Variants in RAB11FIP2 observed in about 807,000 individuals in gnomAD.
RAB11FIP2 encodes RAB11 family interacting protein 2.
Under a neutral mutation model 40.9 loss-of-function variants are expected in RAB11FIP2, and 16 were observed. The ratio of observed to expected loss-of-function variants is 0.39; its 90% CI spans 0.26 to 0.59. The LOEUF is 0.59. Ranked by LOEUF, RAB11FIP2 falls within the 20% of genes least tolerant of loss-of-function variation. RAB11FIP2 has a pLI of 0.53. For missense variants in RAB11FIP2, 532 were observed against 606.2 expected, an observed-to-expected ratio of 0.88 and a Z score of 1.28; for synonymous variants, 228 against 213.7, an observed-to-expected ratio of 1.07 and a Z score of -0.58.
At chr10:118,010,654 T>C (rs896561129) in intron 4 of RAB11FIP2, among the ~76,000 whole-genome samples, 1 of 152,092 alleles carries the variant, frequency 6.6e-6, no homozygotes, top group Non-Finnish European at 1.5e-5. Context: ...GCACACCCAC[T>C]TCTCCAGGAT....
intron 3 of RAB11FIP2, among the ~76,000 whole-genome samples, chr10:118,027,149 T>C (rs1447069947): frequency 6.6e-6 from 1 of 152,216 alleles, no homozygotes; most frequent in African/African-American, 2.4e-5. Flanking sequence ...CCCTCAGCAC[T>C]TTTTGTACAA....
intron 3 of RAB11FIP2, among the ~76,000 whole-genome samples, chr10:118,020,587 T>C (rs1480317538): frequency 6.6e-6 from 1 of 152,038 alleles, no homozygotes; most frequent in Non-Finnish European, 1.5e-5. Flanking sequence ...TTTACTCCCC[T>C]TCCCCCAGCC....
rs551747361 is a variant in RAB11FIP2, at chr10:118,024,418, CCT to C, written c.1266-9310_1266-9309del. Among the ~76,000 whole-genome samples, 137 of 151,532 alleles carry C rather than the reference CCT, an allele frequency of 9.0e-4. 1 individual carries two copies. Among genetic ancestry groups the C allele is most frequent in the African/African-American group, 3.0e-3 (125 of 41,254 alleles). The stretch of plus-strand genomic sequence containing the variant: ...AGCTGTGTTGCGTTTGGTCTGTTCC[CCT>C]GAGTAGACCCTTGCCCGCCACCTTC... On this transcript the variant is annotated intron_variant, in intron 3 of 4. Coordinates refer to ENST00000355624, the MANE Select transcript of RAB11FIP2 (RefSeq NM_014904.3).
intron 3 of RAB11FIP2, among the ~76,000 whole-genome samples, chr10:118,025,539 G>A (rs989748002): frequency 6.6e-6 from 1 of 152,158 alleles, no homozygotes; most frequent in Non-Finnish European, 1.5e-5. Flanking sequence ...GCATTATTAC[G>A]TATATAACAG....
Position 118,040,183 on chromosome 10 carries a change from T to C in RAB11FIP2, c.736A>G (p.Ile246Val), listed in dbSNP as rs756360204. The C allele has an allele frequency of 6.2e-6, 10 of 1,613,850 alleles. No individual in the cohort carries two copies. The highest frequency in any genetic ancestry group is 5.0e-5 in the Admixed American group (3 of 60,002). The part of the protein sequence containing the change: ...MSSEKLKAGT[I>V]GQTHLLGHQL... ...TGTCCGAGAAGATGTGTTTGACCTA[T>C]GGTGCCAGCCTTCAGTTTCTCAGAA... is the stretch of plus-strand genomic sequence containing the variant. The change falls in exon 2 of 5, where the codon ATA becomes GTA. Residue 246 changes from isoleucine (I) to valine (V), a missense_variant. Physicochemically the swap from Ile to Val is conservative, Grantham distance 29. Transcript: ENST00000355624.
At chr10:118,015,769 T>C (rs1846211877) in intron 3 of RAB11FIP2, among the ~76,000 whole-genome samples, 1 of 152,210 alleles carries the variant, frequency 6.6e-6, no homozygotes, top group South Asian at 2.1e-4. Flanking sequence ...AACATGTCCA[T>C]TAGATGGGAC....
chr10:118,019,454 T>C (rs1050694274), intron 3 of RAB11FIP2, among the ~76,000 whole-genome samples: 1 of 152,070 alleles, frequency 6.6e-6, no homozygotes, highest in Non-Finnish European at 1.5e-5. Context: ...AACTTCAAAT[T>C]ATCACAGAAG....
intron 3 of RAB11FIP2, among the ~76,000 whole-genome samples, chr10:118,019,158 T>C (rs749155137): frequency 1.4e-4 from 22 of 152,146 alleles, no homozygotes; most frequent in Non-Finnish European, 2.5e-4. Flanking sequence ...AACAAGCTCT[T>C]TGGAGGGCAT....
At chr10:118,026,497 G>T (rs998958745) in intron 3 of RAB11FIP2, among the ~76,000 whole-genome samples, 1 of 152,200 alleles carries the variant, frequency 6.6e-6, no homozygotes, top group Non-Finnish European at 1.5e-5. Flanking sequence ...ATCTTGGTTG[G>T]AAGAGAGACA....
intron 1 of RAB11FIP2, among the ~76,000 whole-genome samples, chr10:118,044,009 C>T (rs894725155): frequency 6.6e-6 from 1 of 152,168 alleles, no homozygotes; most frequent in Non-Finnish European, 1.5e-5. Context: ...AATAACATCA[C>T]AAACCCTGTT....
At chr10:118,016,372 T>C (rs772742872) in intron 3 of RAB11FIP2, among the ~76,000 whole-genome samples, 1 of 152,188 alleles carries the variant, frequency 6.6e-6, no homozygotes, top group Non-Finnish European at 1.5e-5. Context: ...ATCTTTATGG[T>C]ATTCTGCATG....
rs1846124649 is a variant in RAB11FIP2, at chr10:118,008,875, A to G, written c.*123T>C. The G allele has an allele frequency of 1.3e-6, 1 of 775,730 alleles. No homozygotes were observed. The highest frequency in any genetic ancestry group is 2.1e-6 in the Non-Finnish European group (1 of 479,728). 48.1% of individuals were successfully genotyped at this position (775,730 alleles called of 1,614,324 possible). On this transcript the variant is annotated 3_prime_UTR_variant, in exon 5 of 5. Transcript: ENST00000355624. ...ATATTTACAGGTAAAACTACTCTTC[A>G]CAATAAAGGAGAATATGTAATGAAA...
At position 118,036,810 on chromosome 10, in the gene RAB11FIP2, A is replaced by G. The variant is rs147786708; in HGVS notation, c.1265+2162T>C. On this transcript the variant is annotated intron_variant, in intron 3 of 4. Coordinates refer to ENST00000355624, the MANE Select transcript of RAB11FIP2 (RefSeq NM_014904.3). ...ATTTCATACATCATAAAACAGCTCT[A>G]ATTTTGCTAGAAACAGCCAATAATA... Among the ~76,000 whole-genome samples the G allele has an allele frequency of 9.3e-3, 1,420 of 152,202 alleles. 8 individuals carry two copies. The highest frequency in any genetic ancestry group is 0.017 in the Middle Eastern group (5 of 294).
At chr10:118,031,258 T>C (rs1053828719) in intron 3 of RAB11FIP2, among the ~76,000 whole-genome samples, 2 of 152,128 alleles carry the variant, frequency 1.3e-5, no homozygotes, top group African/African-American at 4.8e-5. Flanking sequence ...GAAAAAAAAG[T>C]CCATTGGGAC....
chr10:118,014,181 T>G (rs2133162964), intron 4 of RAB11FIP2, among the ~76,000 whole-genome samples: 1 of 152,152 alleles, frequency 6.6e-6, no homozygotes, highest in South Asian at 2.1e-4. Flanking sequence ...CACCTTAGCT[T>G]CTTCTAGCCA....
chr10:118,035,757 G>A (rs529531699), intron 3 of RAB11FIP2, among the ~76,000 whole-genome samples: 12 of 152,232 alleles, frequency 7.9e-5, no homozygotes, highest in African/African-American at 2.4e-4. Context: ...ACAATGCCAT[G>A]CCCACAGAAG....
At chr10:118,022,720 C>T (rs1846295515) in intron 3 of RAB11FIP2, among the ~76,000 whole-genome samples, 1 of 152,170 alleles carries the variant, frequency 6.6e-6, no homozygotes, top group Non-Finnish European at 1.5e-5. Flanking sequence ...CTACTGCAAG[C>T]CACTTAAAGG....
chr10:118,040,844 T>C (rs1846549474), intron 1 of RAB11FIP2, among the ~76,000 whole-genome samples: 1 of 152,128 alleles, frequency 6.6e-6, no homozygotes, highest in Non-Finnish European at 1.5e-5. Context: ...AATTTGAAAA[T>C]CACTCATCAT....
chr10:118,030,680 T>C (rs988018521), intron 3 of RAB11FIP2, among the ~76,000 whole-genome samples: 2 of 151,894 alleles, frequency 1.3e-5, no homozygotes, highest in Non-Finnish European at 2.9e-5. Flanking sequence ...AATCTTGCTA[T>C]ATCTCAATCT....
Sources: gnomAD v4.1 joint callset for allele counts (sites outside exome capture counted in the v4.1 genomes callset) on GRCh38, gnomAD v4.1.1 for gene constraint, MANE v1.5 for transcripts, NCBI Gene and HGNC (gene_info 2026-07-23, HGNC 2026-07-21) for gene names.